Variants in RNF39 observed in about 807,000 individuals in gnomAD.
RNF39 encodes the protein LTP (long-term potentiation) induced RING finger protein.
Under a neutral mutation model 29.2 loss-of-function variants are expected in RNF39, and 25 were observed. That is an observed-to-expected ratio of 0.86 (90% CI 0.62 to 1.20). The LOEUF (loss-of-function observed/expected upper bound fraction) is 1.20. Ranked by LOEUF, RNF39 falls within the 50% of genes most tolerant of loss-of-function variation. The pLI is 0.00. For missense variants in RNF39, 519 were observed against 515.0 expected (o/e 1.01, Z -0.08); for synonymous variants, 219 against 229.0 (o/e 0.96, Z 0.40).
Position 30,075,539 on chromosome 6 carries a change from T to G in RNF39, c.47A>C (p.Gln16Pro). The G allele has an allele frequency of 1.3e-6, 2 of 1,593,932 alleles. No individual in the cohort carries two copies. The highest frequency in any genetic ancestry group is 3.3e-4 in the Middle Eastern group (2 of 6,040). Residue 16 changes from glutamine (Q) to proline (P), a missense_variant, in exon 1 of 4, where the codon CAG becomes CCG. By Grantham distance (76) the Gln-to-Pro change is moderately conservative (BLOSUM62 -1). Coordinates refer to ENST00000244360, the MANE Select transcript of RNF39 (RefSeq NM_025236.4). The stretch of plus-strand genomic sequence containing the variant: ...CCCGCACAGAGGACACGTCGCCAGC[T>G]GCTCCAGACGCTCCACCAGCCCCGG... ...LGPGLVERLE[Q>P]LATCPLCGGS... is the part of the protein sequence containing the mutation.
In RNF39 at chr6:30,073,192, TA is replaced by T; in HGVS notation, c.442del (p.Tyr148IlefsTer11). 1 of 1,612,346 alleles carries T rather than the reference TA, an allele frequency of 6.2e-7. No homozygotes were observed. ...SNSEDDLPEDYPVVKKMLHRL... is the reference protein window; with the variant it reads ...SNSEDDLPEDXPVVKKMLHRL... ...ATGAAGCATTTTTTTGACCACTGGA[TA>T]ATCTTCAGGGAGATCATCCTCTGAA... On this transcript the variant is annotated frameshift_variant, in exon 3 of 4. Transcript: ENST00000244360. LOFTEE classifies it high-confidence loss of function.
rs1311541215 is a variant in RNF39 at position 30,075,495 on chromosome 6, C to G, written c.91G>C (p.Val31Leu). ...AAGCTGTGCTCGCACGCCAGAAGCA[C>G]CGGGTCCTCGAAGGAGCCCCCGCAC... ...PLCGGSFEDPVLLACEHSFCR... is the reference protein window; with the variant it reads ...PLCGGSFEDPLLLACEHSFCR... Residue 31 changes from valine (V) to leucine (L), a missense_variant, in exon 1 of 4, where the codon GTG becomes CTG. Transcript: ENST00000244360. 1 of 1,560,058 alleles carries G rather than the reference C, an allele frequency of 6.4e-7. No homozygotes were observed. Among genetic ancestry groups the G allele is most frequent in the Non-Finnish European group, 8.7e-7 (1 of 1,154,576 alleles).
chr6:30,070,709 G>A lies in RNF39; in HGVS notation c.*402C>T. 1 of 432,928 alleles carries A rather than the reference G, an allele frequency of 2.3e-6. No individual in the cohort carries two copies. 26.8% of individuals were successfully genotyped at this position (432,928 alleles called of 1,614,324 possible). ...CTTAGATCTGTGGGGAAGGCCCTGA[G>A]CCCTTCTGGAGCTAGGAGTGGCAAG... is the stretch of plus-strand genomic sequence containing the variant. On this transcript the variant is annotated 3_prime_UTR_variant, in exon 4 of 4. Coordinates refer to ENST00000244360, the MANE Select transcript of RNF39 (RefSeq NM_025236.4).
In RNF39 at chr6:30,072,408, C is replaced by T. The variant is rs9261300; in HGVS notation, c.479-717G>A. On this transcript the variant is annotated intron_variant, in intron 3 of 3. Transcript: ENST00000244360. The surrounding 1 kb of genome is among the most constrained non-coding windows in gnomAD (Gnocchi z 4.5). The stretch of plus-strand genomic sequence containing the variant: ...GGTGGATGACCAAGATGGTGGACCA[C>T]CTTCTCTAGGCAGTTTAAAGAAGGG... 0.17 allele frequency among the ~76,000 whole-genome samples: 25,871 copies of T among 151,900 alleles called. 2,721 individuals carry two copies. The highest frequency in any genetic ancestry group is 0.27 in the African/African-American group (11,331 of 41,348).
chr6:30,074,659 A>T lies in RNF39; in HGVS notation c.363+564T>A, dbSNP rs565868092. ...CCCCAACCCCTTGCTCCCTTCCTCCATCCTCTTGTCAGTCCCCTCCTCCCC... is the reference window on the plus strand; with the variant it reads ...CCCCAACCCCTTGCTCCCTTCCTCCTTCCTCTTGTCAGTCCCCTCCTCCCC... On this transcript the variant is annotated intron_variant, in intron 1 of 3. Transcript: ENST00000244360. This position sits in a 1 kb window ranked among gnomAD's most constrained non-coding sequence, Gnocchi z 4.1. 6.7e-6 allele frequency among the ~76,000 whole-genome samples: 1 copy of T among 150,276 alleles called. No individual in the cohort carries two copies. Among genetic ancestry groups the T allele is most frequent in the Non-Finnish European group, 1.5e-5 (1 of 67,108 alleles).
In RNF39 at chr6:30,074,810, C is replaced by T. The variant is rs1457754097; in HGVS notation, c.363+413G>A. Among the ~76,000 whole-genome samples, 1 of 151,928 alleles carries T rather than the reference C, an allele frequency of 6.6e-6. No individual in the cohort carries two copies. Among genetic ancestry groups the T allele is most frequent in the Non-Finnish European group, 1.5e-5 (1 of 67,980 alleles). ...CCTCAGCTGGGTCGGCTCTCCCTTC[C>T]GCCCGCCGCTCCCTCCCCTCCGCCA... On this transcript the variant is annotated intron_variant, in intron 1 of 3. Coordinates refer to ENST00000244360, the MANE Select transcript of RNF39 (RefSeq NM_025236.4). The surrounding 1 kb of genome is among the most constrained non-coding windows in gnomAD (Gnocchi z 4.1).
Position 30,071,426 on chromosome 6 carries a change from G to C in RNF39, c.744C>G (p.Ala248=). The C allele has an allele frequency of 4.0e-6, 6 of 1,504,044 alleles. No individual in the cohort carries two copies. The highest frequency in any genetic ancestry group is 5.3e-6 in the Non-Finnish European group (6 of 1,136,298). The allele number at this position is 1,504,044 out of a possible 1,614,324, so 93.2% of individuals were successfully genotyped here. A position where few individuals can be genotyped will look rare whatever the true frequency, so the allele number is the denominator to read the frequency against. Residue 248 remains alanine, a synonymous_variant, in exon 4 of 4, where the codon GCC becomes GCG. Transcript: ENST00000244360. The surrounding 1 kb of genome is among the most constrained non-coding windows in gnomAD (Gnocchi z 5.0). ...DEESHYAVGA[A]GESVQRKGCV... The stretch of plus-strand genomic sequence containing the variant: ...AGCCCTTGCGTTGCACTGATTCCCC[G>C]GCCGCGCCCACTGCATAGTGGCTCT...
In RNF39 at chr6:30,073,272, A is replaced by G. The variant is rs768344011; in HGVS notation, c.387-24T>C. ...ATCTACACAGATGAGGGGAAGGGTC[A>G]GGAAATCAGCCCTCTGATCCTAATG... is the stretch of plus-strand genomic sequence containing the variant. On this transcript the variant is annotated intron_variant, in intron 2 of 3. Transcript: ENST00000244360. 6 of 1,558,316 alleles carry G rather than the reference A, an allele frequency of 3.9e-6. 1 individual carries two copies. The South Asian group carries it at 6.7e-5, about 17-fold the overall frequency.
Position 30,071,638 on chromosome 6 carries a change from C to T in RNF39, c.532G>A (p.Asp178Asn), listed in dbSNP as rs909569391. 1 of 1,432,348 alleles carries T rather than the reference C, an allele frequency of 7.0e-7. No individual in the cohort carries two copies. The highest frequency in any genetic ancestry group is 9.1e-7 in the Non-Finnish European group (1 of 1,099,660). 88.7% of individuals were successfully genotyped at this position (1,432,348 alleles called of 1,614,324 possible). The change falls in exon 4 of 4, where the codon GAC becomes AAC. Residue 178 changes from aspartate (D) to asparagine (N), a missense_variant. Coordinates refer to ENST00000244360, the MANE Select transcript of RNF39 (RefSeq NM_025236.4). The surrounding 1 kb of genome is among the most constrained non-coding windows in gnomAD (Gnocchi z 5.0). ...GGGGCCAGTTGTACGCTGCGGCGGT[C>T]GGCGGAGATGAGCAGGCGGCGGTGT... is the stretch of plus-strand genomic sequence containing the variant. ...TAHRRLLISA[D>N]RRSVQLAPPG...
Position 30,071,300 on chromosome 6 carries a change from A to C in RNF39, c.870T>G (p.Val290=), listed in dbSNP as rs1765942082. The C allele has an allele frequency of 6.7e-7, 1 of 1,500,398 alleles. No homozygotes were observed. The highest frequency in any genetic ancestry group is 8.9e-7 in the Non-Finnish European group (1 of 1,128,834). 92.9% of individuals were successfully genotyped at this position (1,500,398 alleles called of 1,614,324 possible). A position where few individuals can be genotyped will look rare whatever the true frequency, so the allele number is the denominator to read the frequency against. The change falls in exon 4 of 4, where the codon GTT becomes GTG. Residue 290 remains valine (V), a synonymous_variant. Coordinates refer to ENST00000244360, the MANE Select transcript of RNF39 (RefSeq NM_025236.4). The surrounding 1 kb of genome is among the most constrained non-coding windows in gnomAD (Gnocchi z 5.0). ...TAPEPTLLGG[V]EPPPRRIRVD... is the part of the protein sequence containing the mutation. Reference sequence around the variant, plus strand: ...CGCGAATGCGCCGCGGCGGGGGCTCAACACCGCCCAGCAGGGTGGGTTCGG... The same window carrying C: ...CGCGAATGCGCCGCGGCGGGGGCTCCACACCGCCCAGCAGGGTGGGTTCGG...
chr6:30,071,065 G>T lies in RNF39; in HGVS notation c.*46C>A. 1 of 1,452,676 alleles carries T rather than the reference G, an allele frequency of 6.9e-7. No individual in the cohort carries two copies. The highest frequency in any genetic ancestry group is 1.2e-5 in the South Asian group (1 of 82,158). The allele number at this position is 1,452,676 out of a possible 1,614,324, so 90.0% of individuals were successfully genotyped here. A position where few individuals can be genotyped will look rare whatever the true frequency, so the allele number is the denominator to read the frequency against. ...TGGGGAATTCCACCCCCAAAAAGCA[G>T]CTGCAGGGCCAGTGGCCGGGCCAAA... On this transcript the variant is annotated 3_prime_UTR_variant, in exon 4 of 4. Transcript: ENST00000244360. The surrounding 1 kb of genome is among the most constrained non-coding windows in gnomAD (Gnocchi z 5.0).
chr6:30,071,562 G>A lies in RNF39; in HGVS notation c.608C>T (p.Pro203Leu). ...GAAGCCCTGCGCACCCAGCACAGCTGGGAGCTGATCGAAGCGCTTGGGGCC... is the reference window on the plus strand; with the variant it reads ...GAAGCCCTGCGCACCCAGCACAGCTAGGAGCTGATCGAAGCGCTTGGGGCC... ...PDGPKRFDQL[P>L]AVLGAQGFGA... Residue 203 changes from proline (P) to leucine (L), a missense_variant, in exon 4 of 4, where the codon CCA becomes CTA. Physicochemically the swap from Pro to Leu is moderately conservative, Grantham distance 98. Transcript: ENST00000244360. This position sits in a 1 kb window ranked among gnomAD's most constrained non-coding sequence, Gnocchi z 5.0. 1 of 1,503,274 alleles carries A rather than the reference G, an allele frequency of 6.7e-7. No homozygotes were observed. The highest frequency in any genetic ancestry group is 8.8e-7 in the Non-Finnish European group (1 of 1,131,516). 93.1% of individuals were successfully genotyped at this position (1,503,274 alleles called of 1,614,324 possible).
chr6:30,071,781 G>A lies in RNF39; in HGVS notation c.479-90C>T. On this transcript the variant is annotated intron_variant, in intron 3 of 3. Transcript: ENST00000244360. The surrounding 1 kb of genome is among the most constrained non-coding windows in gnomAD (Gnocchi z 5.0). ...GTGGAGAATAGTCAACGAAGATCAC[G>A]TAAAAGACTGAGAGCTAGTGACCAC... The A allele has an allele frequency of 1.8e-6, 2 of 1,124,264 alleles. No homozygotes were observed. Among genetic ancestry groups the A allele is most frequent in the Non-Finnish European group, 2.4e-6 (2 of 842,234 alleles). The allele number at this position is 1,124,264 out of a possible 1,614,324, so 69.6% of individuals were successfully genotyped here. A position where few individuals can be genotyped will look rare whatever the true frequency, so the allele number is the denominator to read the frequency against.
chr6:30,071,291 C>CG lies in RNF39; in HGVS notation c.878dup (p.Pro294AlafsTer66). 2 of 1,500,930 alleles carry CG rather than the reference C, an allele frequency of 1.3e-6. No homozygotes were observed. Among genetic ancestry groups the CG allele is most frequent in the Non-Finnish European group, 8.9e-7 (1 of 1,128,258 alleles). The allele number at this position is 1,500,930 out of a possible 1,614,324, so 93.0% of individuals were successfully genotyped here. On this transcript the variant is annotated frameshift_variant, in exon 4 of 4. Transcript: ENST00000244360. LOFTEE classifies it high-confidence loss of function. The surrounding 1 kb of genome is among the most constrained non-coding windows in gnomAD (Gnocchi z 5.0). Reference sequence around the variant, plus strand: ...CCAGGTCCACGCGAATGCGCCGCGGCGGGGGCTCAACACCGCCCAGCAGGG... The same window carrying CG: ...CCAGGTCCACGCGAATGCGCCGCGGCGGGGGGCTCAACACCGCCCAGCAGGG...
rs754965997 is a variant in RNF39 at position 30,075,255 on chromosome 6, G to C, written c.331C>G (p.Pro111Ala). Residue 111 changes from proline to alanine, a missense_variant, in exon 1 of 4, where the codon CCC becomes GCC. Coordinates refer to ENST00000244360, the MANE Select transcript of RNF39 (RefSeq NM_025236.4). Reference protein sequence around the residue: ...RAGRRRGGRIPTMGCLDLPGE... With the variant: ...RAGRRRGGRIATMGCLDLPGE... ...GGCAGGTCCAGGCAGCCCATGGTGG[G>C]GATGCGCCCCCCTCGGCGTCTCCCC... 6 of 1,598,944 alleles carry C rather than the reference G, an allele frequency of 3.8e-6. No homozygotes were observed. Among genetic ancestry groups the C allele is most frequent in the Non-Finnish European group, 5.1e-6 (6 of 1,177,020 alleles).
rs1440794783 is a variant in RNF39, at chr6:30,072,994, A to G, written c.478+163T>C. On this transcript the variant is annotated intron_variant, in intron 3 of 3. Transcript: ENST00000244360. This position sits in a 1 kb window ranked among gnomAD's most constrained non-coding sequence, Gnocchi z 4.5. ...TTCTACCTCCTGAACTTTGAGATAA[A>G]TGTCTGTTGTTTCAGCCACCTACTT... 6.6e-6 allele frequency among the ~76,000 whole-genome samples: 1 copy of G among 152,062 alleles called. No homozygotes were observed. The highest frequency in any genetic ancestry group is 1.5e-5 in the Non-Finnish European group (1 of 67,996).
At position 30,071,315 on chromosome 6, in the gene RNF39, G is replaced by A. The variant is rs1765943848; in HGVS notation, c.855C>T (p.Thr285=). The A allele has an allele frequency of 6.7e-7, 1 of 1,484,936 alleles. No individual in the cohort carries two copies. The highest frequency in any genetic ancestry group is 8.9e-7 in the Non-Finnish European group (1 of 1,122,948). 92.0% of individuals were successfully genotyped at this position (1,484,936 alleles called of 1,614,324 possible). A position where few individuals can be genotyped will look rare whatever the true frequency, so the allele number is the denominator to read the frequency against. The change falls in exon 4 of 4, where the codon ACC becomes ACT. Residue 285 remains threonine, a synonymous_variant. Coordinates refer to ENST00000244360, the MANE Select transcript of RNF39 (RefSeq NM_025236.4). This position sits in a 1 kb window ranked among gnomAD's most constrained non-coding sequence, Gnocchi z 5.0. ...RLWALTAPEP[T]LLGGVEPPPR... Reference sequence around the variant, plus strand: ...GCGGGGGCTCAACACCGCCCAGCAGGGTGGGTTCGGGTGCCGTGAGGGCCC... The same window carrying A: ...GCGGGGGCTCAACACCGCCCAGCAGAGTGGGTTCGGGTGCCGTGAGGGCCC...
Position 30,071,614 on chromosome 6 carries a change from G to T in RNF39, c.556C>A (p.Pro186Thr), listed in dbSNP as rs1336162105. 9.6e-6 allele frequency: 14 copies of T among 1,459,308 alleles called. No individual in the cohort carries two copies. Among genetic ancestry groups the T allele is most frequent in the Non-Finnish European group, 1.1e-5 (12 of 1,111,490 alleles). The allele number at this position is 1,459,308 out of a possible 1,614,324, so 90.4% of individuals were successfully genotyped here. A position where few individuals can be genotyped will look rare whatever the true frequency, so the allele number is the denominator to read the frequency against. ...SADRRSVQLA[P>T]PGTPAPPDGP... is the part of the protein sequence containing the mutation. ...TCAGGGGGCGCGGGCGTCCCTGGTG[G>T]GGCCAGTTGTACGCTGCGGCGGTCG... Residue 186 changes from proline to threonine, a missense_variant, in exon 4 of 4, where the codon CCA (proline) becomes ACA (threonine). Transcript: ENST00000244360. The surrounding 1 kb of genome is among the most constrained non-coding windows in gnomAD (Gnocchi z 5.0).
rs1359139034 is a variant in RNF39 at position 30,074,088 on chromosome 6, C to A, written c.364-610G>T. On this transcript the variant is annotated intron_variant, in intron 1 of 3. Transcript: ENST00000244360. The surrounding 1 kb of genome is among the most constrained non-coding windows in gnomAD (Gnocchi z 4.1). Reference sequence around the variant, plus strand: ...GGAGGCAGCTAGACTTGAATGTGTCCCAAAAGGCCCAGCAGATCCACAGAG... The same window carrying A: ...GGAGGCAGCTAGACTTGAATGTGTCACAAAAGGCCCAGCAGATCCACAGAG... Among the ~76,000 whole-genome samples, 1 of 152,138 alleles carries A rather than the reference C, an allele frequency of 6.6e-6. No homozygotes were observed. The highest frequency in any genetic ancestry group is 2.4e-5 in the African/African-American group (1 of 41,424).
Sources: allele counts gnomAD v4.1 joint callset (sites outside exome capture counted in the v4.1 genomes callset), GRCh38; gene constraint gnomAD v4.1.1; non-coding constraint Gnocchi (gnomAD v3.1); transcripts MANE v1.5; gene names NCBI Gene and HGNC (gene_info 2026-07-23, HGNC 2026-07-21).